Variants in LYPD4 observed in about 807,000 individuals in gnomAD.
LYPD4 encodes ly6/PLAUR domain-containing protein 4.
A neutral mutation model predicts 18.2 loss-of-function variants in LYPD4; 20 were observed. That is an observed-to-expected ratio of 1.10 (90% confidence interval 0.77 to 1.59). LYPD4 has a LOEUF of 1.59. Among genes scored for constraint, LYPD4 ranks in the 40% most tolerant of loss-of-function variants. The pLI is 0.00. For synonymous variants in LYPD4, 111 were observed against 118.3 expected (o/e 0.94, Z 0.40); for missense variants, 278 against 300.3 (o/e 0.93, Z 0.55).
chr19:41,843,334 G>C (rs1319803327), intron 1 of LYPD4, among the ~76,000 whole-genome samples: 1 of 152,006 alleles, frequency 6.6e-6, no homozygotes, highest in African/African-American at 2.4e-5. Flanking sequence ...TTTATAAAAT[G>C]AAGTATAATA....
intron 1 of LYPD4, among the ~76,000 whole-genome samples, chr19:41,842,463 A>G (rs1555833775): frequency 6.6e-6 from 1 of 152,060 alleles, no homozygotes; most frequent in African/African-American, 2.4e-5. Flanking sequence ...GATTAGATGT[A>G]CACAGGATGT....
Position 41,838,216 on chromosome 19 carries a change from G to A in LYPD4, c.257C>T (p.Ser86Leu), listed in dbSNP as rs34770649. ...GTAGGAGATTTGCGCAGGGTAAGAC[G>A]AAGACGAGCTGCAGCCTTTAAAGCC... ...VVGFKGCSSSSSYPAQISYLV... is the reference protein window; with the variant it reads ...VVGFKGCSSSLSYPAQISYLV... Residue 86 changes from serine (S) to leucine (L), a missense_variant, in exon 4 of 5, where the codon TCG becomes TTG. Physicochemically the swap from Ser to Leu is moderately radical, Grantham distance 145. Transcript: ENST00000609812. The A allele has an allele frequency of 3.7e-5, 57 of 1,552,820 alleles. No homozygotes were observed. Among genetic ancestry groups the A allele is most frequent in the Non-Finnish European group, 4.6e-5 (53 of 1,148,506 alleles).
At chr19:41,839,587 A>G (rs2073506530) in intron 1 of LYPD4, 182 bp from the exon 2 acceptor site, 1 of 433,506 alleles carries the variant, frequency 2.3e-6, no homozygotes, top group Non-Finnish European at 4.2e-6. Context: ...CAAGGTGCTG[A>G]GCAGAGAATC....
chr19:41,839,243 G>A lies in LYPD4; in HGVS notation c.43C>T (p.Leu15=). 1 of 1,614,158 alleles carries A rather than the reference G, an allele frequency of 6.2e-7. No homozygotes were observed. Among genetic ancestry groups the A allele is most frequent in the Non-Finnish European group, 8.5e-7 (1 of 1,180,040 alleles). ...HLRLVQLFCL[L]GAISTLPRAG... is the part of the protein sequence containing the mutation. ...CGAGGCAGAGTGGAGATGGCCCCTAGAAGGCAGAACAGCTGCACAAGTCTC... is the reference window on the plus strand; with the variant it reads ...CGAGGCAGAGTGGAGATGGCCCCTAAAAGGCAGAACAGCTGCACAAGTCTC... The change falls in exon 2 of 5, where the codon CTA becomes TTA. Residue 15 remains leucine (L), a synonymous_variant. Transcript: ENST00000609812.
Position 41,839,023 on chromosome 19 carries a change from C to A in LYPD4, c.69G>T (p.Arg23=), listed in dbSNP as rs782158115. Residue 23 remains arginine (R), a splice_region_variant and synonymous_variant, in exon 3 of 5, where the codon CGG becomes CGT. Transcript: ENST00000609812. ...CTTCATAGCACAAAAGAGCTCCAGC[C>A]CCTAAAAAGAGAATGCTCTCCCAGT... ...CLLGAISTLP[R]AGALLCYEAT... The A allele has an allele frequency of 6.2e-7, 1 of 1,613,090 alleles. No individual in the cohort carries two copies. Among genetic ancestry groups the A allele is most frequent in the African/African-American group, 1.3e-5 (1 of 74,774 alleles).
At chr19:41,842,330 AT>A (rs1400736183) in intron 1 of LYPD4, among the ~76,000 whole-genome samples, 1 of 152,086 alleles carries the variant, frequency 6.6e-6, no homozygotes, top group Non-Finnish European at 1.5e-5. Flanking sequence ...TGCCCAGAGA[AT>A]GCAGCATTAT....
At chr19:41,842,092 C>T (rs2073613943) in intron 1 of LYPD4, among the ~76,000 whole-genome samples, 2 of 152,084 alleles carry the variant, frequency 1.3e-5, no homozygotes, top group Admixed American at 6.6e-5. Flanking sequence ...CGCTCTGTTG[C>T]CCAGGCTGGA....
rs573085653 is a variant in LYPD4 at position 41,838,244 on chromosome 19, C to T, written c.229G>A (p.Val77Met). The T allele has an allele frequency of 3.9e-6, 6 of 1,533,872 alleles. No individual in the cohort carries two copies. Among genetic ancestry groups the T allele is most frequent in the East Asian group, 4.6e-5 (2 of 43,718 alleles). Residue 77 changes from valine (V) to methionine (M), a missense_variant, in exon 4 of 5, where the codon GTG (valine) becomes ATG (methionine). Physicochemically the swap from Val to Met is conservative, Grantham distance 21 (BLOSUM62 1). Coordinates refer to ENST00000609812, the MANE Select transcript of LYPD4 (RefSeq NM_173506.7). ...FIETGTARGVVGFKGCSSSSS... is the reference protein window; with the variant it reads ...FIETGTARGVMGFKGCSSSSS... Reference sequence around the variant, plus strand: ...GACGAGCTGCAGCCTTTAAAGCCCACGACTCCCCTTGCAGTCCCTGAGGAG... The same window carrying T: ...GACGAGCTGCAGCCTTTAAAGCCCATGACTCCCCTTGCAGTCCCTGAGGAG...
At position 41,838,016 on chromosome 19, in the gene LYPD4, A is replaced by G. The variant is rs782133231; in HGVS notation, c.457T>C (p.Cys153Arg). 9.9e-6 allele frequency: 16 copies of G among 1,614,168 alleles called. No homozygotes were observed. In the South Asian group the frequency reaches 1.5e-4, roughly 16 times the overall value. The change falls in exon 4 of 5, where the codon TGC becomes CGC. Residue 153 changes from cysteine to arginine, a missense_variant. Transcript: ENST00000609812. ...PTCVGEHMKD[C>R]LPNFVTTNSC... ...TTAGTGGTGACAAAATTTGGGAGGC[A>G]ATCCTTCATGTGCTCGCCCACACAG... is the stretch of plus-strand genomic sequence containing the variant.
chr19:41,840,499 T>G (rs1555833043), intron 1 of LYPD4, among the ~76,000 whole-genome samples: 1 of 152,224 alleles, frequency 6.6e-6, no homozygotes, highest in Admixed American at 6.5e-5. Context: ...CTTTTGCAAC[T>G]TCCTGTGAGC....
At chr19:41,837,869 G>A (rs2073419545) in intron 4 of LYPD4, 66 bp downstream of exon 4, 1 of 1,452,208 alleles carries the variant, frequency 6.9e-7, no homozygotes, top group Admixed American at 2.2e-5. Flanking sequence ...TCTCTGAGAT[G>A]TGAAGGTGCT....
rs146201797 is a variant in LYPD4 at position 41,843,387 on chromosome 19, T to C, written c.-121+191A>G. Reference sequence around the variant, plus strand: ...GTGAAGATCAATAAAATTATTACCATAAGTATTAGGCAAATGCTAAGCTCT... The same window carrying C: ...GTGAAGATCAATAAAATTATTACCACAAGTATTAGGCAAATGCTAAGCTCT... On this transcript the variant is annotated intron_variant, in intron 1 of 4. Coordinates refer to ENST00000609812, the MANE Select transcript of LYPD4 (RefSeq NM_173506.7). Among the ~76,000 whole-genome samples, 491 of 152,158 alleles carry C rather than the reference T, an allele frequency of 3.2e-3. 2 individuals are homozygous for C. Among genetic ancestry groups the C allele is most frequent in the African/African-American group, 0.011 (467 of 41,478 alleles).
chr19:41,842,816 G>C, intron 1 of LYPD4, among the ~76,000 whole-genome samples: 1 of 123,730 alleles, frequency 8.1e-6, no homozygotes, highest in Non-Finnish European at 1.6e-5. Flanking sequence ...ATGACAGAAT[G>C]ACAGAATGTG....
intron 1 of LYPD4, among the ~76,000 whole-genome samples, chr19:41,842,839 T>C (rs1341526209): frequency 1.4e-4 from 19 of 139,090 alleles, no homozygotes; most frequent in Middle Eastern, 4.7e-3. Flanking sequence ...CATGGATAGA[T>C]TGTAAAATCA....
intron 1 of LYPD4, among the ~76,000 whole-genome samples, chr19:41,841,963 T>C (rs1213268713): frequency 1.3e-5 from 2 of 152,176 alleles, no homozygotes; most frequent in African/African-American, 2.4e-5. Context: ...CATGGTCAAA[T>C]TGGGTTTATA....
At chr19:41,841,441 T>C (rs1047477226) in intron 1 of LYPD4, among the ~76,000 whole-genome samples, 10 of 150,848 alleles carry the variant, frequency 6.6e-5, no homozygotes, top group Admixed American at 6.6e-4. Context: ...TGCTTTAGCC[T>C]CAAATCACAA....
At chr19:41,839,165 A>G in intron 2 of LYPD4, 54 bp downstream of exon 2, 1 of 1,613,956 alleles carries the variant, frequency 6.2e-7, no homozygotes. Flanking sequence ...CAGTGACATG[A>G]ATCCAGCCTC....
chr19:41,842,764 C>CAAAAAAAAAAAAA (rs782233081), intron 1 of LYPD4, among the ~76,000 whole-genome samples: 5 of 49,766 alleles, frequency 1.0e-4, no homozygotes, highest in Admixed American at 3.2e-4. Context: ...TCCGTCTAAA[C>CAAAAAAAAAAAAA]AAAAAAAAAA....
chr19:41,843,321 T>G (rs1355242766), intron 1 of LYPD4, among the ~76,000 whole-genome samples: 3 of 152,062 alleles, frequency 2.0e-5, no homozygotes, highest in Admixed American at 2.0e-4. Flanking sequence ...GCCTACTACC[T>G]TCTTTATAAA....
Sources: allele counts gnomAD v4.1 joint callset (sites outside exome capture counted in the v4.1 genomes callset), GRCh38; gene constraint gnomAD v4.1.1; transcripts MANE v1.5; gene names NCBI Gene and HGNC (gene_info 2026-07-23, HGNC 2026-07-21).